PCDHGA1: variants seen among roughly 807,000 people sequenced by gnomAD.
The protein encoded by PCDHGA1 is protocadherin gamma subfamily A, 1.
In PCDHGA1, 32 loss-of-function variants were observed where a neutral mutation model predicts 58.0. The observed-to-expected ratio is 0.55, with a 90% confidence interval of 0.42 to 0.74. The LOEUF (loss-of-function observed/expected upper bound fraction) is 0.74, where lower values mean the gene tolerates loss of function less well. PCDHGA1 is among the 30% of genes least tolerant of loss of function. PCDHGA1 has a pLI of 0.00. For synonymous variants in PCDHGA1, 498 were observed against 501.1 expected (o/e 0.99, Z 0.08); for missense variants, 1,205 against 1,182.3 (o/e 1.02, Z -0.28).
intron 1 of PCDHGA1, among the ~76,000 whole-genome samples, chr5:141,434,605 T>C (rs1448149059): frequency 6.6e-6 from 1 of 152,198 alleles, no homozygotes; most frequent in Non-Finnish European, 1.5e-5. Context: ...ATCCCTTTAT[T>C]TCCGCCCATC....
At chr5:141,497,307 C>T (rs1295364802) in intron 2 of PCDHGA1, among the ~76,000 whole-genome samples, 1 of 152,096 alleles carries the variant, frequency 6.6e-6, no homozygotes, top group Non-Finnish European at 1.5e-5. Flanking sequence ...CCAGGCCATA[C>T]ACTGGCTTTG....
intron 1 of PCDHGA1, among the ~76,000 whole-genome samples, chr5:141,406,833 A>G (rs776807611): frequency 3.9e-5 from 6 of 152,238 alleles, no homozygotes; most frequent in Non-Finnish European, 4.4e-5. Flanking sequence ...ATGAACTTGC[A>G]TATCAGATAT....
rs984222446 is a variant in PCDHGA1 at position 141,493,942 on chromosome 5, G to T, written c.2422-865G>T. ...ACACACCCCCTGGAAAGACCAGAAG[G>T]GACTCAGGAATGAAGTGGCTGGCCA... On this transcript the variant is annotated intron_variant, in intron 1 of 3. Transcript: ENST00000517417. The surrounding 1 kb of genome is among the most constrained non-coding windows in gnomAD (Gnocchi z 4.3). Among the ~76,000 whole-genome samples the T allele has an allele frequency of 1.3e-5, 2 of 152,168 alleles. No individual in the cohort carries two copies. Among genetic ancestry groups the T allele is most frequent in the Non-Finnish European group, 1.5e-5 (1 of 68,022 alleles).
intron 1 of PCDHGA1, among the ~76,000 whole-genome samples, chr5:141,451,908 G>A (rs899191624): frequency 3.9e-5 from 6 of 152,046 alleles, no homozygotes; most frequent in African/African-American, 7.2e-5. Context: ...AAGGGAGGGA[G>A]GGAGGAAGGA....
chr5:141,415,102 A>G, intron 1 of PCDHGA1: 2 of 1,613,550 alleles, frequency 1.2e-6, no homozygotes, highest in Non-Finnish European at 8.5e-7. Flanking sequence ...AGACGCGCTC[A>G]AGCAAAGCCT....
Position 141,476,279 on chromosome 5 carries a change from G to T in PCDHGA1, c.2422-18528G>T. The T allele has an allele frequency of 6.2e-7, 1 of 1,614,148 alleles. No individual in the cohort carries two copies. Among genetic ancestry groups the T allele is most frequent in the Non-Finnish European group, 8.5e-7 (1 of 1,180,024 alleles). On this transcript the variant is annotated intron_variant, in intron 1 of 3. Coordinates refer to ENST00000517417, the MANE Select transcript of PCDHGA1 (RefSeq NM_018912.3). This position sits in a 1 kb window ranked among gnomAD's most constrained non-coding sequence, Gnocchi z 7.6. ...TGTGGGCAACGTGGTCGCGAACCTT[G>T]GTTTGGATCTCGGTAGCCTCTCAGC...
chr5:141,409,725 G>A (rs1416188591), intron 1 of PCDHGA1: 1 of 1,613,172 alleles, frequency 6.2e-7, no homozygotes, highest in Non-Finnish European at 8.5e-7. Context: ...GTGTCAGTGA[G>A]CGCGCAGAGC....
At chr5:141,359,586 A>G (rs1252102791) in intron 1 of PCDHGA1, among the ~76,000 whole-genome samples, 1 of 151,834 alleles carries the variant, frequency 6.6e-6, no homozygotes, top group Non-Finnish European at 1.5e-5. Context: ...AAGATATAAC[A>G]ACTAAAAAAG....
At chr5:141,413,924 A>T in intron 1 of PCDHGA1, 1 of 1,613,408 alleles carries the variant, frequency 6.2e-7, no homozygotes, top group Non-Finnish European at 8.5e-7. Context: ...ACCTTGCCAG[A>T]ATACCGAGTG....
At position 141,331,488 on chromosome 5, in the gene PCDHGA1, C is replaced by G. The variant is rs765503222; in HGVS notation, c.804C>G (p.Asp268Glu). The G allele has an allele frequency of 6.2e-7, 1 of 1,614,192 alleles. No individual in the cohort carries two copies. Among genetic ancestry groups the G allele is most frequent in the Non-Finnish European group, 8.5e-7 (1 of 1,180,048 alleles). ...AGCTGCTCATGGTAAATGCCACTGA[C>G]CCTGATGAGGGAGCCAATGGGGAAG... is the stretch of plus-strand genomic sequence containing the variant. ...GTQLLMVNAT[D>E]PDEGANGEVT... Residue 268 changes from aspartate to glutamate, a missense_variant, in exon 1 of 4, where the codon GAC (aspartate) becomes GAG (glutamate). Physicochemically the swap from Asp to Glu is conservative, Grantham distance 45 (BLOSUM62 2). Coordinates refer to ENST00000517417, the MANE Select transcript of PCDHGA1 (RefSeq NM_018912.3).
chr5:141,341,117 C>A, intron 1 of PCDHGA1: 1 of 1,614,242 alleles, frequency 6.2e-7, no homozygotes, highest in Non-Finnish European at 8.5e-7. Context: ...GGCGCACAGG[C>A]TGCGGCGCTG....
Position 141,331,513 on chromosome 5 carries a change from G to T in PCDHGA1, c.829G>T (p.Val277Leu). The T allele has an allele frequency of 6.2e-7, 1 of 1,614,186 alleles. No homozygotes were observed. The highest frequency in any genetic ancestry group is 1.1e-5 in the South Asian group (1 of 91,086). ...TDPDEGANGE[V>L]TYSFHNVDHR... ...CCCTGATGAGGGAGCCAATGGGGAA[G>T]TAACGTACTCCTTTCACAATGTAGA... The change falls in exon 1 of 4, where the codon GTA becomes TTA. Residue 277 changes from valine to leucine, a missense_variant. Val to Leu is a conservative substitution (Grantham distance 32). Transcript: ENST00000517417.
chr5:141,476,772 G>A lies in PCDHGA1; in HGVS notation c.2422-18035G>A. 1 of 1,613,650 alleles carries A rather than the reference G, an allele frequency of 6.2e-7. No homozygotes were observed. Among genetic ancestry groups the A allele is most frequent in the South Asian group, 1.1e-5 (1 of 91,086 alleles). ...CAGTTAGTGCTGACGGCGTTGGACG[G>A]AGGGACCCCAGCTCTCTCCGCCAGC... is the stretch of plus-strand genomic sequence containing the variant. On this transcript the variant is annotated intron_variant, in intron 1 of 3. Coordinates refer to ENST00000517417, the MANE Select transcript of PCDHGA1 (RefSeq NM_018912.3). The surrounding 1 kb of genome is among the most constrained non-coding windows in gnomAD (Gnocchi z 7.6).
intron 1 of PCDHGA1, chr5:141,404,062 T>G: frequency 6.2e-7 from 1 of 1,613,906 alleles, no homozygotes; most frequent in African/African-American, 1.3e-5. Flanking sequence ...TTCTTTTCAA[T>G]GCTCATGACC....
chr5:141,382,789 T>A, intron 1 of PCDHGA1: 1 of 924,650 alleles, frequency 1.1e-6, no homozygotes, highest in Non-Finnish European at 1.6e-6. Flanking sequence ...CAAGCCTCTA[T>A]CCTGCTGGAT....
chr5:141,385,225 G>C, intron 1 of PCDHGA1: 1 of 1,614,232 alleles, frequency 6.2e-7, no homozygotes, highest in Non-Finnish European at 8.5e-7. Context: ...GCCCAACTAT[G>C]TAGACATGCT....
chr5:141,345,480 A>G, intron 1 of PCDHGA1: 2 of 1,614,044 alleles, frequency 1.2e-6, no homozygotes, highest in Non-Finnish European at 8.5e-7. Context: ...AGATAGCAAC[A>G]ACAACGCCCG....
intron 1 of PCDHGA1, chr5:141,344,444 A>T (rs760205846): frequency 1.2e-6 from 2 of 1,613,728 alleles, no homozygotes; most frequent in Non-Finnish European, 1.7e-6. Context: ...CAACAGAGGA[A>T]TTGGAAATAA....
chr5:141,384,771 C>T (rs568102289), intron 1 of PCDHGA1: 36 of 1,613,878 alleles, frequency 2.2e-5, no homozygotes, highest in Admixed American at 1.7e-4. Context: ...TGTACACGGG[C>T]GAGGTGCGCA....
Sources: gnomAD v4.1 joint callset for allele counts (sites outside exome capture counted in the v4.1 genomes callset) on GRCh38, gnomAD v4.1.1 for gene constraint, Gnocchi (gnomAD v3.1) non-coding constraint, MANE v1.5 for transcripts, NCBI Gene and HGNC (gene_info 2026-07-23, HGNC 2026-07-21) for gene names.